Variants in ATXN7L1 observed in about 807,000 individuals in gnomAD.
ATXN7L1 encodes ataxin 7 like 1.
A neutral mutation model predicts 70.8 loss-of-function variants in ATXN7L1; 15 were observed. The ratio of observed to expected loss-of-function variants is 0.21; its 90% CI spans 0.14 to 0.33. The LOEUF (loss-of-function observed/expected upper bound fraction) is 0.33. Ranked by LOEUF, ATXN7L1 falls within the 10% of genes least tolerant of loss-of-function variation. ATXN7L1 has a pLI of 1.00. For missense variants in ATXN7L1, 975 were observed against 1,097.1 expected, an observed-to-expected ratio of 0.89 and a Z score of 1.57; for synonymous variants, 440 against 445.1, an observed-to-expected ratio of 0.99 and a Z score of 0.14.
At chr7:105,684,650 G>C (rs1186509985) in intron 3 of ATXN7L1, among the ~76,000 whole-genome samples, 1 of 152,190 alleles carries the variant, frequency 6.6e-6, no homozygotes, top group Admixed American at 6.5e-5. Context: ...TTTGGACTCT[G>C]ATTCATTAAC....
chr7:105,741,584 G>A (rs923169323), intron 3 of ATXN7L1, among the ~76,000 whole-genome samples: 6 of 152,254 alleles, frequency 3.9e-5, no homozygotes, highest in Admixed American at 2.0e-4. Flanking sequence ...GTGATGGATC[G>A]GCCAGCTGGA....
intron 3 of ATXN7L1, among the ~76,000 whole-genome samples, chr7:105,734,561 C>T (rs772006263): frequency 3.3e-5 from 5 of 152,174 alleles, no homozygotes; most frequent in South Asian, 4.2e-4. Context: ...CAGCTCTTCC[C>T]GCCCTCCTTG....
At chr7:105,819,639 T>C in intron 2 of ATXN7L1, 3 of 889,156 alleles carry the variant, frequency 3.4e-6, no homozygotes, top group Non-Finnish European at 5.7e-6. Context: ...TTTCTACAGA[T>C]ACAAGTTGAA....
At chr7:105,655,982 G>A (rs1414797452) in intron 4 of ATXN7L1, among the ~76,000 whole-genome samples, 1 of 152,238 alleles carries the variant, frequency 6.6e-6, no homozygotes, top group African/African-American at 2.4e-5. Flanking sequence ...TTTAATAGCT[G>A]AGCATATTTA....
At chr7:105,619,990 A>G (rs1354720404) in intron 9 of ATXN7L1, among the ~76,000 whole-genome samples, 2 of 152,270 alleles carry the variant, frequency 1.3e-5, no homozygotes, top group Admixed American at 1.3e-4. Flanking sequence ...TCTCCAAAAA[A>G]GACAAAGCAT....
intron 3 of ATXN7L1, among the ~76,000 whole-genome samples, chr7:105,730,854 T>G (rs1796456501): frequency 6.6e-6 from 1 of 152,194 alleles, no homozygotes; most frequent in South Asian, 2.1e-4. Flanking sequence ...CTGAATAAAC[T>G]ACGGACTTCG....
At chr7:105,827,900 C>T (rs2062179279) in intron 2 of ATXN7L1, among the ~76,000 whole-genome samples, 1 of 152,104 alleles carries the variant, frequency 6.6e-6, no homozygotes, top group South Asian at 2.1e-4. Flanking sequence ...TGCAGTGAAA[C>T]ATAGGAATAA....
At chr7:105,796,934 T>C (rs1163975440) in intron 2 of ATXN7L1, among the ~76,000 whole-genome samples, 2 of 152,210 alleles carry the variant, frequency 1.3e-5, no homozygotes, top group African/African-American at 4.8e-5. Flanking sequence ...CCCAGCAGAA[T>C]GTTGAGCTCC....
At position 105,876,591 on chromosome 7, in the gene ATXN7L1, A is replaced by T; in HGVS notation, c.-33T>A. 2 of 363,146 alleles carry T rather than the reference A, an allele frequency of 5.5e-6. No individual in the cohort carries two copies. The highest frequency in any genetic ancestry group is 1.0e-5 in the Non-Finnish European group (2 of 199,978). 22.5% of individuals were successfully genotyped at this position (363,146 alleles called of 1,614,324 possible). Reference sequence around the variant, plus strand: ...ACGTTCCGACATTGAGTGTTCTGAAAGGGGGAGGGAGGGAGGAAGGGCGGG... The same window carrying T: ...ACGTTCCGACATTGAGTGTTCTGAATGGGGGAGGGAGGGAGGAAGGGCGGG... On this transcript the variant is annotated 5_prime_UTR_variant, in exon 1 of 12. Coordinates refer to ENST00000419735, the MANE Select transcript of ATXN7L1 (RefSeq NM_020725.2).
chr7:105,842,293 T>A (rs1252459147), intron 2 of ATXN7L1, among the ~76,000 whole-genome samples: 1 of 152,120 alleles, frequency 6.6e-6, no homozygotes, highest in Non-Finnish European at 1.5e-5. Flanking sequence ...TGTGTAATCC[T>A]CAATGGTGTG....
intron 11 of ATXN7L1, 27 bp downstream of exon 11, chr7:105,610,502 G>GGGGCT: frequency 2.0e-6 from 3 of 1,525,622 alleles, no homozygotes; most frequent in Non-Finnish European, 2.7e-6. Context: ...ATGAATTTTT[G>GGGGCT]CCCCACCCCC....
At chr7:105,736,487 T>C (rs1797389494) in intron 3 of ATXN7L1, among the ~76,000 whole-genome samples, 1 of 152,214 alleles carries the variant, frequency 6.6e-6, no homozygotes, top group South Asian at 2.1e-4. Flanking sequence ...CTCTGGTCTC[T>C]GAAGCTATGG....
chr7:105,727,451 G>A (rs1329679612), intron 3 of ATXN7L1, among the ~76,000 whole-genome samples: 1 of 151,678 alleles, frequency 6.6e-6, no homozygotes, highest in Non-Finnish European at 1.5e-5. Flanking sequence ...CGTGGATCAC[G>A]TGAGGTCAGG....
chr7:105,804,379 C>T (rs1207633612), intron 2 of ATXN7L1, among the ~76,000 whole-genome samples: 1 of 152,178 alleles, frequency 6.6e-6, no homozygotes, highest in African/African-American at 2.4e-5. Flanking sequence ...CCAGCATAAC[C>T]CACCCTGCCC....
At chr7:105,649,902 T>C (rs1457896381) in intron 4 of ATXN7L1, among the ~76,000 whole-genome samples, 1 of 152,240 alleles carries the variant, frequency 6.6e-6, no homozygotes, top group African/African-American at 2.4e-5. Flanking sequence ...TATGTGCTTA[T>C]GCTGCTGGCC....
chr7:105,766,651 T>C (rs891131757), intron 3 of ATXN7L1, among the ~76,000 whole-genome samples: 5 of 152,228 alleles, frequency 3.3e-5, no homozygotes, highest in Non-Finnish European at 5.9e-5. Context: ...CACTGTGCTC[T>C]CCACCCTCGA....
chr7:105,671,297 A>AT (rs397975432), intron 3 of ATXN7L1, among the ~76,000 whole-genome samples: 12 of 150,888 alleles, frequency 8.0e-5, no homozygotes, highest in Non-Finnish European at 1.5e-4. Flanking sequence ...AAAAAAAAAA[A>AT]TTTATTTAAA....
intron 3 of ATXN7L1, among the ~76,000 whole-genome samples, chr7:105,778,537 A>T (rs1229470007): frequency 6.8e-6 from 1 of 146,400 alleles, no homozygotes; most frequent in East Asian, 2.0e-4. Context: ...AAAAAAAAAC[A>T]AAGACTAAAT....
chr7:105,871,027 A>C (rs1585201498), intron 2 of ATXN7L1, among the ~76,000 whole-genome samples: 1 of 151,922 alleles, frequency 6.6e-6, no homozygotes, highest in African/African-American at 2.4e-5. Flanking sequence ...ATAAATTGAG[A>C]AAATAAACCC....
Sources: gnomAD v4.1 joint callset for allele counts (sites outside exome capture counted in the v4.1 genomes callset) on GRCh38, gnomAD v4.1.1 for gene constraint, MANE v1.5 for transcripts, NCBI Gene and HGNC (gene_info 2026-07-23, HGNC 2026-07-21) for gene names.